Variants in LRP2 observed in about 807,000 individuals in gnomAD.
The protein encoded by LRP2 is LDL receptor related protein 2.
A neutral mutation model predicts 531.0 loss-of-function variants in LRP2; 172 were observed. The observed-to-expected ratio is 0.32, with a 90% confidence interval of 0.29 to 0.37. The LOEUF (loss-of-function observed/expected upper bound fraction) is 0.37, where lower values mean the gene tolerates loss of function less well. Ranked by LOEUF, LRP2 falls within the 10% of genes least tolerant of loss-of-function variation. The probability of loss-of-function intolerance (pLI) is 1.00; values close to 1 mark genes in which losing one functional copy is unlikely to be tolerated. For missense variants in LRP2, 5,167 were observed against 5,868.3 expected, an observed-to-expected ratio of 0.88 and a Z score of 3.90; for synonymous variants, 1,992 against 2,027.6, an observed-to-expected ratio of 0.98 and a Z score of 0.47.
chr2:169,176,970 T>C (rs1253113803), intron 53 of LRP2, among the ~76,000 whole-genome samples: 1 of 152,192 alleles, frequency 6.6e-6, no homozygotes, highest in Non-Finnish European at 1.5e-5. Context: ...AGTATACAGG[T>C]AACAAGTTTG....
chr2:169,317,901 A>G (rs2105511828), intron 3 of LRP2, among the ~76,000 whole-genome samples: 1 of 152,170 alleles, frequency 6.6e-6, no homozygotes, highest in South Asian at 2.1e-4. Context: ...ACGTAACAAG[A>G]TCGTGTCTCT....
intron 31 of LRP2, among the ~76,000 whole-genome samples, chr2:169,227,112 T>C (rs1011210472): frequency 1.3e-5 from 2 of 152,190 alleles, no homozygotes; most frequent in African/African-American, 2.4e-5. Flanking sequence ...ATAAATCCAA[T>C]GTATAATCCT....
At chr2:169,213,019 T>G (rs1374200529) in intron 36 of LRP2, among the ~76,000 whole-genome samples, 1 of 152,152 alleles carries the variant, frequency 6.6e-6, no homozygotes, top group South Asian at 2.1e-4. Flanking sequence ...GTGACAAACT[T>G]AGGTTATAGG....
chr2:169,219,180 T>C (rs1210371472), intron 34 of LRP2, among the ~76,000 whole-genome samples: 1 of 152,168 alleles, frequency 6.6e-6, no homozygotes, highest in Non-Finnish European at 1.5e-5. Flanking sequence ...GAATAGAATG[T>C]TTGCTTCTTG....
At position 169,320,752 on chromosome 2, in the gene LRP2, C is replaced by T. The variant is rs11903888; in HGVS notation, c.187+25G>A. ...AGCACTTAGGTTACTCAAAATAGAACTTAGCCTGGCCCCTCCTCACTTACC... is the reference window on the plus strand; with the variant it reads ...AGCACTTAGGTTACTCAAAATAGAATTTAGCCTGGCCCCTCCTCACTTACC... On this transcript the variant is annotated intron_variant, in intron 2 of 78. Transcript: ENST00000649046. 9.2e-4 allele frequency: 1,453 copies of T among 1,587,920 alleles called. 11 individuals carry two copies. In the African/African-American group the frequency reaches 0.017, roughly 19 times the overall value.
chr2:169,295,848 T>C (rs1684122833), intron 4 of LRP2, among the ~76,000 whole-genome samples: 1 of 152,086 alleles, frequency 6.6e-6, no homozygotes, highest in South Asian at 2.1e-4. Context: ...AATGTGGATA[T>C]CTTCCTTGGT....
chr2:169,330,735 A>T (rs187195742), intron 1 of LRP2, among the ~76,000 whole-genome samples: 2 of 152,158 alleles, frequency 1.3e-5, no homozygotes, highest in African/African-American at 4.8e-5. Flanking sequence ...ACTCCCAGGC[A>T]CATCTATGCC....
Position 169,330,105 on chromosome 2 carries a change from G to C in LRP2, c.80-9221C>G, listed in dbSNP as rs180942087. On this transcript the variant is annotated intron_variant, in intron 1 of 78. Coordinates refer to ENST00000649046, the MANE Select transcript of LRP2 (RefSeq NM_004525.3). Reference sequence around the variant, plus strand: ...ATCCCTCCCCCACCACCACCCTGCTGTCCATGGAAAAATTGTCTTCCACGA... The same window carrying C: ...ATCCCTCCCCCACCACCACCCTGCTCTCCATGGAAAAATTGTCTTCCACGA... Among the ~76,000 whole-genome samples the C allele has an allele frequency of 1.1e-4, 16 of 152,228 alleles. No individual in the cohort carries two copies. The East Asian group carries it at 3.1e-3, about 29-fold the overall frequency.
intron 42 of LRP2, 58 bp downstream of exon 42, chr2:169,203,924 C>T: frequency 6.4e-7 from 1 of 1,574,604 alleles, no homozygotes; most frequent in Non-Finnish European, 8.7e-7. Context: ...GCTTTCCTTA[C>T]CAATTGGTAT....
rs1559092856 is a variant in LRP2 at position 169,361,377 on chromosome 2, C to CTCTCTCTCT, written c.79+943_79+944insAGAGAGAGA. Among the ~76,000 whole-genome samples the CTCTCTCTCT allele has an allele frequency of 1.1e-3, 55 of 52,256 alleles. 1 individual carries two copies. Among genetic ancestry groups the CTCTCTCTCT allele is most frequent in the African/African-American group, 2.0e-3 (19 of 9,412 alleles). 34.3% of individuals were successfully genotyped at this position (52,256 alleles called of 152,430 possible). ...CTCTCTCTCTCTCTCTCTCTCTCTC[C>CTCTCTCTCT]CTCTCTCTCTCTCTCTCTGTCTCTC... On this transcript the variant is annotated intron_variant, in intron 1 of 78. Transcript: ENST00000649046.
intron 3 of LRP2, among the ~76,000 whole-genome samples, chr2:169,312,157 A>G (rs535253547): frequency 3.3e-5 from 5 of 151,998 alleles, no homozygotes; most frequent in Non-Finnish European, 7.4e-5. Context: ...TCTTTATCCA[A>G]TTTGCCAGTC....
chr2:169,200,636 G>C (rs1294658877), intron 44 of LRP2, among the ~76,000 whole-genome samples: 2 of 151,980 alleles, frequency 1.3e-5, no homozygotes, highest in Non-Finnish European at 2.9e-5. Flanking sequence ...TAAACAAAAA[G>C]TTAATTCTCC....
In LRP2 at chr2:169,225,330, G is replaced by A; in HGVS notation, c.5518C>T (p.Pro1840Ser). Residue 1840 changes from proline to serine, a missense_variant, in exon 33 of 79, where the codon CCT becomes TCT. Physicochemically the swap from Pro to Ser is moderately conservative, Grantham distance 74. Around this residue, in one of 6 missense-constraint regions of LRP2, gnomAD observed 2,811 missense variants for 3,058.0 expected, o/e 0.92. Transcript: ENST00000649046. ...ATTACCTCGATTGACTGAGTTCTAG[G>A]ATTGGTAGAATAAAGGTTTCTTGAA... ...WISRNLYSTN[P>S]RTQSIEVLTL... 6.2e-7 allele frequency: 1 copy of A among 1,613,916 alleles called. No homozygotes were observed. Among genetic ancestry groups the A allele is most frequent in the Non-Finnish European group, 8.5e-7 (1 of 1,179,902 alleles).
At chr2:169,237,080 A>G (rs1689633444) in intron 28 of LRP2, 23 bp downstream of exon 28, 4 of 1,601,224 alleles carry the variant, frequency 2.5e-6, no homozygotes, top group Non-Finnish European at 3.4e-6. Flanking sequence ...TCAAGGCAAC[A>G]TAATTTTAAA....
At chr2:169,212,262 A>G in intron 36 of LRP2, 55 bp from the exon 37 acceptor site, 1 of 1,612,382 alleles carries the variant, frequency 6.2e-7, no homozygotes. Flanking sequence ...TCGCCACCCC[A>G]TCTCAAATTT....
At chr2:169,187,738 G>T (rs915596199) in intron 49 of LRP2, among the ~76,000 whole-genome samples, 3 of 152,148 alleles carry the variant, frequency 2.0e-5, no homozygotes, top group African/African-American at 7.2e-5. Context: ...CTGAATATTT[G>T]CCCATCTTCT....
chr2:169,168,398 G>T, intron 61 of LRP2, 141 bp downstream of exon 61: 2 of 1,020,508 alleles, frequency 2.0e-6, no homozygotes, highest in Non-Finnish European at 3.0e-6. Flanking sequence ...GGAAGACCCA[G>T]TGAAATAACA....
At chr2:169,314,334 CA>C (rs550095787) in intron 3 of LRP2, among the ~76,000 whole-genome samples, 147 of 150,228 alleles carry the variant, frequency 9.8e-4, no homozygotes, top group African/African-American at 3.4e-3. Context: ...TCACTTGAGC[CA>C]AAAAAAACTT....
At chr2:169,318,211 T>C (rs2544384) in intron 3 of LRP2, among the ~76,000 whole-genome samples, 50,341 of 151,866 alleles carry the variant, frequency 0.33, 8,875 homozygotes, top group African/African-American at 0.47. Flanking sequence ...ACCCCCTCAA[T>C]GTCCAGGGAT....
Sources: gnomAD v4.1 joint callset for allele counts (sites outside exome capture counted in the v4.1 genomes callset) on GRCh38, gnomAD v4.1.1 for gene constraint, gnomAD v4.1.1 regional missense constraint, MANE v1.5 for transcripts, NCBI Gene and HGNC (gene_info 2026-07-23, HGNC 2026-07-21) for gene names.